The following CCDC91 variants were observed in gnomAD, a reference collection of about 807,000 sequenced individuals.
CCDC91 encodes the protein coiled-coil domain-containing protein 91.
CCDC91 carries 48 observed loss-of-function variants against 63.2 expected under a neutral mutation model. The ratio of observed to expected loss-of-function variants is 0.76; its 90% CI spans 0.60 to 0.97. The LOEUF is 0.97. Ranked by LOEUF, CCDC91 falls within the 50% of genes least tolerant of loss-of-function variation. CCDC91 has a pLI of 0.00. For synonymous variants in CCDC91, 167 were observed against 165.8 expected (o/e 1.01, Z -0.06); for missense variants, 500 against 494.6 (o/e 1.01, Z -0.10).
At chr12:28,441,910 G>A (rs548579089) in intron 8 of CCDC91, among the ~76,000 whole-genome samples, 15 of 151,966 alleles carry the variant, frequency 9.9e-5, no homozygotes, top group African/African-American at 3.4e-4. Context: ...GATTGTTCAA[G>A]CTTGTATAGC....
chr12:28,276,425 G>A (rs1160573712), intron 3 of CCDC91, among the ~76,000 whole-genome samples: 1 of 151,958 alleles, frequency 6.6e-6, no homozygotes, highest in Non-Finnish European at 1.5e-5. Flanking sequence ...TACTTCACAA[G>A]TGCATGAGGA....
At chr12:28,251,275 G>A (rs374149803) in intron 1 of CCDC91, among the ~76,000 whole-genome samples, 2 of 151,962 alleles carry the variant, frequency 1.3e-5, no homozygotes, top group African/African-American at 4.8e-5. Context: ...GTCTTTATTA[G>A]ACCTTTTTAG....
At chr12:28,475,076 T>C (rs1951013899) in intron 11 of CCDC91, among the ~76,000 whole-genome samples, 1 of 152,078 alleles carries the variant, frequency 6.6e-6, no homozygotes, top group Non-Finnish European at 1.5e-5. Flanking sequence ...GGTATTTTAT[T>C]TATCTTATTT....
chr12:28,492,136 T>C (rs774606900), intron 12 of CCDC91, among the ~76,000 whole-genome samples: 2 of 151,784 alleles, frequency 1.3e-5, no homozygotes, highest in Admixed American at 6.6e-5. Flanking sequence ...TCTATATCTA[T>C]ATATTTACAC....
chr12:28,369,985 C>T (rs751962575), intron 7 of CCDC91, among the ~76,000 whole-genome samples: 2 of 152,194 alleles, frequency 1.3e-5, no homozygotes, highest in African/African-American at 4.8e-5. Flanking sequence ...CCTCTACGGG[C>T]TATGGGAGGG....
chr12:28,532,122 G>A (rs1301190533), intron 12 of CCDC91, among the ~76,000 whole-genome samples: 3 of 152,116 alleles, frequency 2.0e-5, no homozygotes, highest in Non-Finnish European at 2.9e-5. Flanking sequence ...ACAAAAGCCT[G>A]ACTGATAAAG....
intron 8 of CCDC91, among the ~76,000 whole-genome samples, chr12:28,448,770 C>A (rs1592705663): frequency 6.6e-6 from 1 of 152,072 alleles, no homozygotes; most frequent in East Asian, 1.9e-4. Context: ...TCTTCCCAAG[C>A]CTAAATTGAA....
chr12:28,534,459 G>T (rs1941992716), intron 12 of CCDC91, among the ~76,000 whole-genome samples: 1 of 152,166 alleles, frequency 6.6e-6, no homozygotes, highest in South Asian at 2.1e-4. Flanking sequence ...GCAAGGAAAT[G>T]CCAGTCAAGC....
At chr12:28,415,761 G>A (rs1332564727) in intron 8 of CCDC91, among the ~76,000 whole-genome samples, 2 of 151,718 alleles carry the variant, frequency 1.3e-5, no homozygotes, top group African/African-American at 4.8e-5. Flanking sequence ...ATATTCTTGT[G>A]AACTTATATA....
At chr12:28,447,326 A>G (rs1949551327) in intron 8 of CCDC91, among the ~76,000 whole-genome samples, 2 of 152,200 alleles carry the variant, frequency 1.3e-5, no homozygotes, top group South Asian at 2.1e-4. Context: ...ATATAAATTC[A>G]TTATATAAAA....
At chr12:28,375,029 C>G (rs1408149194) in intron 7 of CCDC91, among the ~76,000 whole-genome samples, 5 of 151,986 alleles carry the variant, frequency 3.3e-5, no homozygotes, top group East Asian at 1.9e-4. Flanking sequence ...CTGCTAAGTA[C>G]TTCTGTTAGT....
chr12:28,488,041 A>G (rs1951815090), intron 12 of CCDC91, among the ~76,000 whole-genome samples: 1 of 151,926 alleles, frequency 6.6e-6, no homozygotes, highest in Admixed American at 6.6e-5. Context: ...ACAAATTGCT[A>G]TATGAGGTTA....
At chr12:28,482,050 C>T (rs1485349984) in intron 11 of CCDC91, among the ~76,000 whole-genome samples, 1 of 151,878 alleles carries the variant, frequency 6.6e-6, no homozygotes, top group Admixed American at 6.6e-5. Context: ...ATTTTTGTAA[C>T]TCACCTGTTA....
At chr12:28,449,715 A>C (rs1201136675) in intron 8 of CCDC91, among the ~76,000 whole-genome samples, 2 of 151,974 alleles carry the variant, frequency 1.3e-5, no homozygotes, top group African/African-American at 4.8e-5. Flanking sequence ...AATTTTTTTT[A>C]ACAATGCCTT....
intron 11 of CCDC91, among the ~76,000 whole-genome samples, chr12:28,455,005 A>G (rs1949995551): frequency 6.6e-6 from 1 of 152,092 alleles, no homozygotes; most frequent in South Asian, 2.1e-4. Flanking sequence ...TGTTGACATC[A>G]TCTGGTATTT....
chr12:28,541,556 C>G (rs148646320), intron 12 of CCDC91, among the ~76,000 whole-genome samples: 1 of 151,972 alleles, frequency 6.6e-6, no homozygotes, highest in Non-Finnish European at 1.5e-5. Context: ...TTGCTAAAAT[C>G]TATAAAAGTT....
chr12:28,191,382 G>C (rs559867127), intron 1 of CCDC91: 1 of 152,280 alleles, frequency 6.6e-6, no homozygotes, highest in Non-Finnish European at 1.5e-5. Context: ...CTTGATGAGA[G>C]TTGGGGCAGA....
rs373348753 is a variant in CCDC91, at chr12:28,265,855, T to C, written c.109+6413T>C. Among the ~76,000 whole-genome samples the C allele has an allele frequency of 1.6e-3, 239 of 152,194 alleles. 2 individuals are homozygous for C. In the South Asian group the frequency reaches 0.047, roughly 30 times the overall value. ...CACATATGTGCATTATGGTAGGCAG[T>C]ATAGGTAATGCTTAAAAACTTTCCG... On this transcript the variant is annotated intron_variant, in intron 3 of 12. Coordinates refer to ENST00000536442, the MANE Select transcript of CCDC91 (RefSeq NM_018318.5).
chr12:28,388,457 A>G (rs1401309914), intron 7 of CCDC91, among the ~76,000 whole-genome samples: 1 of 152,138 alleles, frequency 6.6e-6, no homozygotes, highest in Non-Finnish European at 1.5e-5. Flanking sequence ...GCTCTGTCAT[A>G]CGCCAACAGC....
Sources: gnomAD v4.1 joint callset for allele counts (sites outside exome capture counted in the v4.1 genomes callset) on GRCh38, gnomAD v4.1.1 for gene constraint, MANE v1.5 for transcripts, NCBI Gene and HGNC (gene_info 2026-07-23, HGNC 2026-07-21) for gene names.